LRGUK: variants seen among roughly 807,000 people sequenced by gnomAD.
LRGUK encodes the protein leucine-rich repeat and guanylate kinase domain-containing protein.
A neutral mutation model predicts 76.0 loss-of-function variants in LRGUK; 65 were observed. The observed-to-expected ratio is 0.85, with a 90% CI of 0.70 to 1.05. The LOEUF (loss-of-function observed/expected upper bound fraction) is 1.05, where lower values mean the gene tolerates loss of function less well. Ranked by LOEUF, LRGUK falls within the 50% of genes least tolerant of loss-of-function variation. The pLI, the probability that LRGUK is intolerant of heterozygous loss-of-function variation, is 0.00. For synonymous variants in LRGUK, 268 were observed against 265.6 expected (o/e 1.01, Z -0.09); for missense variants, 758 against 732.8 (o/e 1.03, Z -0.40).
intron 16 of LRGUK, among the ~76,000 whole-genome samples, chr7:134,232,392 C>T (rs1374928334): frequency 6.6e-6 from 1 of 152,098 alleles, no homozygotes; most frequent in Non-Finnish European, 1.5e-5. Flanking sequence ...GATTCTCCGG[C>T]CTCAGCCTCC....
At chr7:134,243,357 C>T (rs1802212088) in intron 16 of LRGUK, among the ~76,000 whole-genome samples, 2 of 152,206 alleles carry the variant, frequency 1.3e-5, no homozygotes, top group Non-Finnish European at 2.9e-5. Flanking sequence ...TCAGCAAGGT[C>T]TCAGGATACA....
chr7:134,192,019 AT>A (rs1800275040), intron 12 of LRGUK, among the ~76,000 whole-genome samples: 1 of 152,208 alleles, frequency 6.6e-6, no homozygotes, highest in Admixed American at 6.5e-5. Flanking sequence ...CTAAAGCAGT[AT>A]GAAAAATTCT....
At chr7:134,139,870 T>C (rs1797696867) in intron 3 of LRGUK, among the ~76,000 whole-genome samples, 1 of 151,940 alleles carries the variant, frequency 6.6e-6, no homozygotes, top group Admixed American at 6.5e-5. Flanking sequence ...GATGAATTAG[T>C]CTTTTTTTTC....
At chr7:134,205,395 C>T (rs1800960705) in intron 15 of LRGUK, among the ~76,000 whole-genome samples, 1 of 152,152 alleles carries the variant, frequency 6.6e-6, no homozygotes, top group Admixed American at 6.5e-5. Context: ...GGAAGGGACC[C>T]AGAGTCCCAG....
intron 16 of LRGUK, 63 bp from the exon 17 acceptor site, chr7:134,247,493 G>C (rs1802333141): frequency 8.5e-7 from 1 of 1,177,488 alleles, no homozygotes; most frequent in Non-Finnish European, 1.3e-6. Flanking sequence ...AATTATTATA[G>C]ATGTTTTAAT....
intron 19 of LRGUK, 70 bp from the exon 20 acceptor site, chr7:134,263,775 A>G (rs1361672960): frequency 1.2e-5 from 17 of 1,438,576 alleles, no homozygotes; most frequent in Non-Finnish European, 1.5e-5. Flanking sequence ...TGCTTATATC[A>G]TGCAACACTT....
chr7:134,201,016 T>C (rs916415928), intron 14 of LRGUK, among the ~76,000 whole-genome samples: 7 of 152,182 alleles, frequency 4.6e-5, no homozygotes, highest in African/African-American at 1.7e-4. Flanking sequence ...TTCTGGAGGT[T>C]GCTCTCAGGT....
In LRGUK at chr7:134,147,912, A is replaced by G. The variant is rs1381100251; in HGVS notation, c.589-326A>G. Among the ~76,000 whole-genome samples, 6 of 152,212 alleles carry G rather than the reference A, an allele frequency of 3.9e-5. No homozygotes were observed. In the East Asian group the frequency reaches 9.7e-4, roughly 25 times the overall value. ...CCATCTCTACTAAAAATACAAAAAA[A>G]TTAGCCAGTTGCGGTGGTGGGCACC... On this transcript the variant is annotated intron_variant, in intron 4 of 15. Coordinates refer to ENST00000645682, the Ensembl canonical transcript of LRGUK.
At chr7:134,178,589 G>A (rs1799588944) in exon 10 of LRGUK, 3 of 1,612,336 alleles carry the variant, frequency 1.9e-6, no homozygotes, top group Non-Finnish European at 2.5e-6. Flanking sequence ...GCGTGATGCA[G>A]CCGCAGAGGA....
intron 15 of LRGUK, among the ~76,000 whole-genome samples, chr7:134,220,146 A>T (rs955501458): frequency 1.3e-5 from 2 of 152,160 alleles, no homozygotes; most frequent in African/African-American, 4.8e-5. Flanking sequence ...TTCAACAGAG[A>T]ATGTTTCTGC....
the LRGUK span, among the ~76,000 whole-genome samples, chr7:134,276,242 A>T: frequency 6.6e-6 from 1 of 152,250 alleles, no homozygotes; most frequent in Non-Finnish European, 1.5e-5. Context: ...TAGAATACGA[A>T]ATCACAATTC....
chr7:134,165,641 T>TTGA (rs1278144691), intron 7 of LRGUK, among the ~76,000 whole-genome samples: 1 of 152,222 alleles, frequency 6.6e-6, no homozygotes, highest in Non-Finnish European at 1.5e-5. Flanking sequence ...TACAAACTTA[T>TTGA]TGATGAGATA....
downstream of LRGUK, among the ~76,000 whole-genome samples, chr7:134,268,037 A>G (rs1306932707): frequency 6.6e-6 from 1 of 152,230 alleles, no homozygotes; most frequent in Non-Finnish European, 1.5e-5. Context: ...TGCCTACATT[A>G]GGCAAGAAAA....
intron 7 of LRGUK, among the ~76,000 whole-genome samples, chr7:134,165,764 G>A (rs1203683958): frequency 6.6e-6 from 1 of 152,120 alleles, no homozygotes; most frequent in Non-Finnish European, 1.5e-5. Context: ...GCTGCATGTG[G>A]CTAGTAATTA....
At chr7:134,236,974 A>C (rs919485267) in intron 16 of LRGUK, among the ~76,000 whole-genome samples, 10 of 152,042 alleles carry the variant, frequency 6.6e-5, no homozygotes, top group Non-Finnish European at 1.2e-4. Flanking sequence ...ATTAGCTGGA[A>C]TAATACTATA....
At chr7:134,166,574 A>G (rs1345235915) in intron 7 of LRGUK, among the ~76,000 whole-genome samples, 1 of 152,122 alleles carries the variant, frequency 6.6e-6, no homozygotes, top group Non-Finnish European at 1.5e-5. Flanking sequence ...TTCACAAGGT[A>G]ATACTCATAA....
intron 1 of LRGUK, among the ~76,000 whole-genome samples, chr7:134,128,366 T>G (rs891621606): frequency 2.0e-5 from 3 of 152,208 alleles, no homozygotes; most frequent in Non-Finnish European, 4.4e-5. Flanking sequence ...ATTCCCTCCT[T>G]TCTACAATAT....
chr7:134,158,203 T>C (rs1798567223), intron 6 of LRGUK, 44 bp downstream of exon 6: 2 of 1,549,044 alleles, frequency 1.3e-6, no homozygotes, highest in Non-Finnish European at 1.8e-6. Flanking sequence ...TAGTAGTTAA[T>C]GCTTTTAGTA....
chr7:134,166,895 A>G (rs1799014419), intron 7 of LRGUK, among the ~76,000 whole-genome samples: 1 of 152,176 alleles, frequency 6.6e-6, no homozygotes, highest in African/African-American at 2.4e-5. Flanking sequence ...CTCTTCACAT[A>G]CGTGAGCAAA....
Sources: allele counts gnomAD v4.1 joint callset (sites outside exome capture counted in the v4.1 genomes callset), GRCh38; gene constraint gnomAD v4.1.1; transcripts MANE v1.5; gene names NCBI Gene and HGNC (gene_info 2026-07-23, HGNC 2026-07-21).